The following MINK1 variants were observed in gnomAD, a reference collection of about 807,000 sequenced individuals.
The protein encoded by MINK1 is misshapen like kinase 1.
A neutral mutation model predicts 178.4 loss-of-function variants in MINK1; 46 were observed. That is an observed-to-expected ratio of 0.26 (90% CI 0.20 to 0.33). The LOEUF (loss-of-function observed/expected upper bound fraction) is 0.33. Ranked by LOEUF, MINK1 falls within the 10% of genes least tolerant of loss-of-function variation. The probability of loss-of-function intolerance (pLI) is 1.00; values close to 1 mark genes in which losing one functional copy is unlikely to be tolerated. For missense variants in MINK1, 1,366 were observed against 1,814.9 expected (o/e 0.75, Z 4.49); for synonymous variants, 797 against 709.7 (o/e 1.12, Z -1.96).
chr17:4,881,402 GA>G, intron 4 of MINK1, 145 bp downstream of exon 4: 1 of 907,920 alleles, frequency 1.1e-6, no homozygotes, highest in Non-Finnish European at 1.6e-6. Flanking sequence ...CCTGGACCCA[GA>G]GGGGCCTCCT....
chr17:4,892,883 G>A (rs976278564), intron 19 of MINK1, 96 bp from the exon 20 acceptor site: 4 of 1,391,840 alleles, frequency 2.9e-6, no homozygotes, highest in Non-Finnish European at 4.0e-6. Flanking sequence ...ACCTGTGTGG[G>A]TATGGAACTT....
intron 1 of MINK1, among the ~76,000 whole-genome samples, chr17:4,877,764 T>A (rs1567596531): frequency 6.6e-6 from 1 of 151,110 alleles, no homozygotes; most frequent in African/African-American, 2.4e-5. Context: ...CGGGAACATG[T>A]CTTTGAAAAG....
In MINK1 at chr17:4,880,979, C is replaced by T. The variant is rs969040771; in HGVS notation, c.124-5C>T. 15 of 1,506,320 alleles carry T rather than the reference C, an allele frequency of 1.0e-5. No homozygotes were observed. In the East Asian group the frequency reaches 1.2e-4, roughly 12 times the overall value. The allele number at this position is 1,506,320 out of a possible 1,614,324, so 93.3% of individuals were successfully genotyped here. On this transcript the variant is annotated splice_polypyrimidine_tract_variant and splice_region_variant and intron_variant, in intron 2 of 31. Coordinates refer to ENST00000355280, the MANE Select transcript of MINK1 (RefSeq NM_153827.5). ...AGCATAGACTCAGATCCCTCTGTCCCGCAGGGTCGGCATGTCAAGACGGGG... is the reference window on the plus strand; with the variant it reads ...AGCATAGACTCAGATCCCTCTGTCCTGCAGGGTCGGCATGTCAAGACGGGG...
intron 1 of MINK1, among the ~76,000 whole-genome samples, chr17:4,861,991 C>A (rs575603923): frequency 6.6e-6 from 1 of 152,286 alleles, no homozygotes; most frequent in African/African-American, 2.4e-5. Flanking sequence ...TGTTTTCATT[C>A]GGGCACCCAT....
intron 1 of MINK1, among the ~76,000 whole-genome samples, chr17:4,837,862 G>A (rs1447059682): frequency 6.6e-6 from 1 of 152,210 alleles, no homozygotes; most frequent in African/African-American, 2.4e-5. Flanking sequence ...GGTGGTAGCT[G>A]CTGACAGAGA....
In MINK1 at chr17:4,895,791, C is replaced by A. The variant is rs767463297; in HGVS notation, c.3323C>A (p.Thr1108Asn). ...DPEVEKKQGW[T>N]TVGDMEGCGH... is the part of the protein sequence containing the mutation. ...GAAGTGGAGAAGAAGCAGGGCTGGA[C>A]CACCGTGGGGGACATGGAGGGCTGC... The change falls in exon 27 of 32, where the codon ACC (threonine) becomes AAC (asparagine). Residue 1108 changes from threonine to asparagine, a missense_variant. Physicochemically the swap from Thr to Asn is moderately conservative, Grantham distance 65. Coordinates refer to ENST00000355280, the MANE Select transcript of MINK1 (RefSeq NM_153827.5). This position sits in a 1 kb window ranked among gnomAD's most constrained non-coding sequence, Gnocchi z 4.3. 5 of 1,613,778 alleles carry A rather than the reference C, an allele frequency of 3.1e-6. No individual in the cohort carries two copies. Among genetic ancestry groups the A allele is most frequent in the Non-Finnish European group, 4.2e-6 (5 of 1,179,810 alleles).
chr17:4,897,362 C>CTTTCCCCTCCCTGGGCTTTT lies in MINK1; in HGVS notation c.*76_*95dup. 5 of 1,384,960 alleles carry CTTTCCCCTCCCTGGGCTTTT rather than the reference C, an allele frequency of 3.6e-6. No individual in the cohort carries two copies. In the South Asian group the frequency reaches 6.0e-5, roughly 17 times the overall value. The allele number at this position is 1,384,960 out of a possible 1,614,324, so 85.8% of individuals were successfully genotyped here. ...CAGCCAGGCTTCCCGGGCCGCCCCTCTTTCCCCTCCCTGGGCTTTTGCTTT... is the reference window on the plus strand; with the variant it reads ...CAGCCAGGCTTCCCGGGCCGCCCCTCTTTCCCCTCCCTGGGCTTTTTTTCCCCTCCCTGGGCTTTTGCTTT... On this transcript the variant is annotated 3_prime_UTR_variant, in exon 32 of 32. Transcript: ENST00000355280.
chr17:4,894,600 C>T lies in MINK1; in HGVS notation c.2884C>T (p.Pro962Ser). 1 of 1,608,450 alleles carries T rather than the reference C, an allele frequency of 6.2e-7. No homozygotes were observed. The highest frequency in any genetic ancestry group is 8.5e-7 in the Non-Finnish European group (1 of 1,177,366). The change falls in exon 24 of 32, where the codon CCT (proline) becomes TCT (serine). Residue 962 changes from proline (P) to serine (S), a missense_variant. Coordinates refer to ENST00000355280, the MANE Select transcript of MINK1 (RefSeq NM_153827.5). The surrounding 1 kb of genome is among the most constrained non-coding windows in gnomAD (Gnocchi z 4.1). ...TMFVDLGIYQ[P>S]GGSGDSIPIT... ...GTTTGTGGATCTAGGGATCTACCAG[C>T]CTGGAGGCAGTGGGGACAGCATCCC... is the stretch of plus-strand genomic sequence containing the variant.
At position 4,887,678 on chromosome 17, in the gene MINK1, A is replaced by AGCAGCT. The variant is rs751703001; in HGVS notation, c.1124_1129dup (p.Leu375_Gln376dup). The AGCAGCT allele has an allele frequency of 2.4e-5, 37 of 1,562,322 alleles. No homozygotes were observed. Among genetic ancestry groups the AGCAGCT allele is most frequent in the Non-Finnish European group, 3.0e-5 (35 of 1,155,184 alleles). ...AACTCAGAGGCTTTAAAACAGCAGCAGCAGCTGCAGCAGCAGCAGCAGCGA... is the reference window on the plus strand; with the variant it reads ...AACTCAGAGGCTTTAAAACAGCAGCAGCAGCTGCAGCTGCAGCAGCAGCAGCAGCGA... On this transcript the variant is annotated inframe_insertion, in exon 12 of 32. Transcript: ENST00000355280. The surrounding 1 kb of genome is among the most constrained non-coding windows in gnomAD (Gnocchi z 7.6).
rs778279483 is a variant in MINK1, at chr17:4,891,080, C to A, written c.1696C>A (p.Pro566Thr). The change falls in exon 15 of 32, where the codon CCT becomes ACT. Residue 566 changes from proline (P) to threonine (T), a missense_variant. Pro to Thr is a conservative substitution (Grantham distance 38). Transcript: ENST00000355280. ...GCCCCCAGGACCCCTTTCCCAGACTCCTCCTATGCAGAGGCCGGTGGAGCC... is the reference window on the plus strand; with the variant it reads ...GCCCCCAGGACCCCTTTCCCAGACTACTCCTATGCAGAGGCCGGTGGAGCC... ...PGPPGPLSQT[P>T]PMQRPVEPQE... 6 of 1,552,834 alleles carry A rather than the reference C, an allele frequency of 3.9e-6. No homozygotes were observed. The highest frequency in any genetic ancestry group is 1.2e-5 in the South Asian group (1 of 84,204).
rs565888613 is a variant in MINK1, at chr17:4,888,825, G to A, written c.1231-822G>A. Among the ~76,000 whole-genome samples the A allele has an allele frequency of 2.6e-5, 4 of 151,696 alleles. No individual in the cohort carries two copies. The South Asian group carries it at 8.3e-4, about 32-fold the overall frequency. On this transcript the variant is annotated intron_variant, in intron 12 of 31. Coordinates refer to ENST00000355280, the MANE Select transcript of MINK1 (RefSeq NM_153827.5). ...TGATTCTCCTGCCTCAGCCTCCTGA[G>A]GAGCTGGGATTACAGGAATGCGCCA...
chr17:4,890,510 G>T lies in MINK1; in HGVS notation c.1348-7G>T. ...GCTGAGCCCTCTCTCCCTACCCTTG[G>T]GCCCAGGAATACAAGCGGAAGCAGC... On this transcript the variant is annotated splice_region_variant and splice_polypyrimidine_tract_variant and intron_variant, in intron 13 of 31. Coordinates refer to ENST00000355280, the MANE Select transcript of MINK1 (RefSeq NM_153827.5). The T allele has an allele frequency of 6.3e-7, 1 of 1,583,116 alleles. No individual in the cohort carries two copies. Among genetic ancestry groups the T allele is most frequent in the South Asian group, 1.2e-5 (1 of 86,244 alleles).
At position 4,892,500 on chromosome 17, in the gene MINK1, C is replaced by G; in HGVS notation, c.2186C>G (p.Pro729Arg). Residue 729 changes from proline (P) to arginine (R), a missense_variant, in exon 18 of 32, where the codon CCC becomes CGC. Around this residue, in one of 14 missense-constraint regions of MINK1, gnomAD observed 709 missense variants for 692.3 expected, o/e 1.02. Coordinates refer to ENST00000355280, the MANE Select transcript of MINK1 (RefSeq NM_153827.5). ...PGPPAQPPGP[P>R]NASSNPDLRR... is the part of the protein sequence containing the mutation. Reference sequence around the variant, plus strand: ...CCCCCTGCTCAGCCCCCTGGCCCGCCCAACGCCTCTAGGTAATAGAGTTGT... The same window carrying G: ...CCCCCTGCTCAGCCCCCTGGCCCGCGCAACGCCTCTAGGTAATAGAGTTGT... 6.4e-7 allele frequency: 1 copy of G among 1,561,164 alleles called. No individual in the cohort carries two copies. The highest frequency in any genetic ancestry group is 2.4e-5 in the East Asian group (1 of 41,646).
chr17:4,872,409 C>T (rs1481771811), intron 1 of MINK1, among the ~76,000 whole-genome samples: 2 of 151,562 alleles, frequency 1.3e-5, no homozygotes, highest in Non-Finnish European at 2.9e-5. Flanking sequence ...GAGGCCAAGG[C>T]AGGTGGATCT....
At position 4,885,470 on chromosome 17, in the gene MINK1, T is replaced by C; in HGVS notation, c.509-13T>C. 6.2e-7 allele frequency: 1 copy of C among 1,613,434 alleles called. No homozygotes were observed. The highest frequency in any genetic ancestry group is 8.5e-7 in the Non-Finnish European group (1 of 1,179,554). ...GACTCCCCACACTGACCCCTCCCTCTGTGTCTTCACAGTGGATTTTGGGGT... is the reference window on the plus strand; with the variant it reads ...GACTCCCCACACTGACCCCTCCCTCCGTGTCTTCACAGTGGATTTTGGGGT... On this transcript the variant is annotated splice_polypyrimidine_tract_variant and intron_variant, in intron 6 of 31. Coordinates refer to ENST00000355280, the MANE Select transcript of MINK1 (RefSeq NM_153827.5). The surrounding 1 kb of genome is among the most constrained non-coding windows in gnomAD (Gnocchi z 5.0).
At chr17:4,854,594 A>G (rs772734147) in intron 1 of MINK1, among the ~76,000 whole-genome samples, 3 of 152,202 alleles carry the variant, frequency 2.0e-5, no homozygotes, top group Non-Finnish European at 4.4e-5. Flanking sequence ...TGTCTCACAC[A>G]TCCCTCTGGC....
chr17:4,891,845 C>T (rs1968850797), intron 16 of MINK1, 129 bp downstream of exon 16: 5 of 1,335,560 alleles, frequency 3.7e-6, no homozygotes, highest in Middle Eastern at 3.9e-4. Context: ...GGGCGCTGCC[C>T]TGCCGGGGTC....
rs1041969938 is a variant in MINK1 at position 4,894,914 on chromosome 17, C to A, written c.2918-161C>A. ...TGAGCCAGACCTTTTGACTCCAAGTCCAGCACTCTATCCCCCTCTCCCATG... is the reference window on the plus strand; with the variant it reads ...TGAGCCAGACCTTTTGACTCCAAGTACAGCACTCTATCCCCCTCTCCCATG... On this transcript the variant is annotated intron_variant, in intron 24 of 31. Coordinates refer to ENST00000355280, the MANE Select transcript of MINK1 (RefSeq NM_153827.5). This position sits in a 1 kb window ranked among gnomAD's most constrained non-coding sequence, Gnocchi z 4.1. The A allele has an allele frequency of 1.2e-5, 10 of 800,116 alleles. No homozygotes were observed. Among genetic ancestry groups the A allele is most frequent in the Middle Eastern group, 3.4e-4 (1 of 2,918 alleles). 49.6% of individuals were successfully genotyped at this position (800,116 alleles called of 1,614,324 possible).
In MINK1 at chr17:4,895,096, C is replaced by G. The variant is rs1356456482; in HGVS notation, c.2939C>G (p.Thr980Ser). 6.2e-7 allele frequency: 1 copy of G among 1,613,464 alleles called. No homozygotes were observed. The highest frequency in any genetic ancestry group is 1.3e-5 in the African/African-American group (1 of 74,912). The change falls in exon 25 of 32, where the codon ACT becomes AGT. Residue 980 changes from threonine to serine, a missense_variant. By Grantham distance (58) the Thr-to-Ser change is moderately conservative. Coordinates refer to ENST00000355280, the MANE Select transcript of MINK1 (RefSeq NM_153827.5). This position sits in a 1 kb window ranked among gnomAD's most constrained non-coding sequence, Gnocchi z 4.3. ...PITALVGGEGTRLDQLQYDVR... is the reference protein window; with the variant it reads ...PITALVGGEGSRLDQLQYDVR... ...GCAGCCCTAGTGGGTGGAGAGGGCACTCGGCTCGACCAGCTGCAGTACGAC... is the reference window on the plus strand; with the variant it reads ...GCAGCCCTAGTGGGTGGAGAGGGCAGTCGGCTCGACCAGCTGCAGTACGAC...
Sources: allele counts gnomAD v4.1 joint callset (sites outside exome capture counted in the v4.1 genomes callset), GRCh38; gene constraint gnomAD v4.1.1; regional missense constraint gnomAD v4.1.1; non-coding constraint Gnocchi (gnomAD v3.1); transcripts MANE v1.5; gene names NCBI Gene and HGNC (gene_info 2026-07-23, HGNC 2026-07-21).